The following TNXB variants were observed in gnomAD, a reference collection of about 807,000 sequenced individuals.
The protein encoded by TNXB is tenascin-X.
TNXB carries 183 observed loss-of-function variants against 340.5 expected under a neutral mutation model. The observed-to-expected ratio is 0.54, with a 90% confidence interval of 0.48 to 0.61. The LOEUF (loss-of-function observed/expected upper bound fraction) is 0.61, where lower values mean the gene tolerates loss of function less well. Ranked by LOEUF, TNXB falls within the 20% of genes least tolerant of loss-of-function variation. The pLI is 0.00. For synonymous variants in TNXB, 2,121 were observed against 2,314.5 expected (o/e 0.92, Z 2.40); for missense variants, 4,613 against 5,446.4 (o/e 0.85, Z 4.82).
At position 32,108,952 on chromosome 6, in the gene TNXB, G is replaced by C. The variant is rs1781110352; in HGVS notation, c.-9+229C>G. Among the ~76,000 whole-genome samples the C allele has an allele frequency of 2.6e-5, 4 of 151,982 alleles. No individual in the cohort carries two copies. The stretch of plus-strand genomic sequence containing the variant: ...GTTGTCTGCATCCCATCCAAACCCT[G>C]ACACATACTGCCCACCCCAACACAC... On this transcript the variant is annotated intron_variant, in intron 1 of 43. Coordinates refer to ENST00000644971, the MANE Select transcript of TNXB (RefSeq NM_001365276.2). This position sits in a 1 kb window ranked among gnomAD's most constrained non-coding sequence, Gnocchi z 4.8.
Position 32,048,479 on chromosome 6 carries a change from C to T in TNXB, c.9929G>A (p.Gly3310Glu), listed in dbSNP as rs1305164810. Residue 3310 changes from glycine to glutamate, a missense_variant, in exon 29 of 44, where the codon GGA (glycine) becomes GAA (glutamate). Around this residue, in one of 7 missense-constraint regions of TNXB, gnomAD observed 4,327 missense variants for 4,859.4 expected, o/e 0.89. Transcript: ENST00000644971. ...QGQPQAVPVS[G>E]DLRAVAVSGL... ...CGAGACGGCGACCGCTCGGAGGTCTCCGCTCACAGGCACTGCCTGGGGCTG... is the reference window on the plus strand; with the variant it reads ...CGAGACGGCGACCGCTCGGAGGTCTTCGCTCACAGGCACTGCCTGGGGCTG... 1 of 1,600,980 alleles carries T rather than the reference C, an allele frequency of 6.2e-7. No homozygotes were observed.
Position 32,049,735 on chromosome 6 carries a change from G to A in TNXB, c.9440-148C>T. ...GCTGGGTGGTCCTGCTCAGCTGACA[G>A]CTAACACACGTAACAAGTTCCAGGG... On this transcript the variant is annotated intron_variant, in intron 27 of 43. Coordinates refer to ENST00000644971, the MANE Select transcript of TNXB (RefSeq NM_001365276.2). The surrounding 1 kb of genome is among the most constrained non-coding windows in gnomAD (Gnocchi z 4.5). 8.6e-7 allele frequency: 1 copy of A among 1,156,470 alleles called. No individual in the cohort carries two copies. The highest frequency in any genetic ancestry group is 1.2e-6 in the Non-Finnish European group (1 of 835,388). The allele number at this position is 1,156,470 out of a possible 1,614,324, so 71.6% of individuals were successfully genotyped here. A position where few individuals can be genotyped will look rare whatever the true frequency, so the allele number is the denominator to read the frequency against.
Position 32,043,302 on chromosome 6 carries a change from C to G in TNXB, c.11667G>C (p.Ala3889=). The part of the protein sequence containing the change: ...VTAPGAPPLQ[A]ETPGSAVDYP... ...AGTCCACCGCGCTGCCTGGGGTCTC[C>G]GCCTGCAGAGGCGGGGCTGGGAGTG... The change falls in exon 37 of 44, where the codon GCG becomes GCC. Residue 3889 remains alanine (A), a synonymous_variant. Transcript: ENST00000644971. The G allele has an allele frequency of 2.9e-6, 1 of 347,050 alleles. No homozygotes were observed. The highest frequency in any genetic ancestry group is 4.9e-6 in the Non-Finnish European group (1 of 203,464). 21.5% of individuals were successfully genotyped at this position (347,050 alleles called of 1,614,324 possible). A position where few individuals can be genotyped will look rare whatever the true frequency, so the allele number is the denominator to read the frequency against.
rs776411158 is a variant in TNXB, at chr6:32,068,674, G to A, written c.5936C>T (p.Thr1979Ile). 1 of 1,613,788 alleles carries A rather than the reference G, an allele frequency of 6.2e-7. No homozygotes were observed. The highest frequency in any genetic ancestry group is 8.5e-7 in the Non-Finnish European group (1 of 1,179,864). The change falls in exon 17 of 44, where the codon ACC (threonine) becomes ATC (isoleucine). Residue 1979 changes from threonine (T) to isoleucine (I), a missense_variant. Around this residue, in one of 7 missense-constraint regions of TNXB, gnomAD observed 4,327 missense variants for 4,859.4 expected, o/e 0.89. Coordinates refer to ENST00000644971, the MANE Select transcript of TNXB (RefSeq NM_001365276.2). The surrounding 1 kb of genome is among the most constrained non-coding windows in gnomAD (Gnocchi z 5.3). Reference protein sequence around the residue: ...PEEEKPSEPPTATPEPPIKPR... With the variant: ...PEEEKPSEPPIATPEPPIKPR... ...CTTGATGGGGGGCTCGGGGGTTGCGGTGGGAGGTTCTGAAGGCTTCTCCTC... is the reference window on the plus strand; with the variant it reads ...CTTGATGGGGGGCTCGGGGGTTGCGATGGGAGGTTCTGAAGGCTTCTCCTC...
chr6:32,088,746 G>C, intron 6 of TNXB, 39 bp downstream of exon 6: 1 of 1,540,324 alleles, frequency 6.5e-7, no homozygotes, highest in African/African-American at 1.4e-5. Flanking sequence ...TCCAAGGCTG[G>C]GAAACCAGGG....
rs370586724 is a variant in TNXB at position 32,061,611 on chromosome 6, C to G, written c.7278G>C (p.Ser2426=). Residue 2426 remains serine, a synonymous_variant, in exon 21 of 44, where the codon TCG becomes TCC. Transcript: ENST00000644971. The surrounding 1 kb of genome is among the most constrained non-coding windows in gnomAD (Gnocchi z 4.4). ...GGGGGACGGTCCAGGAGAGGCTCAG[C>G]GAGTCAGGGGAGGATCCTGTCACTG... ...ELTVTGSSPD[S]LSLSWTVPQG... is the part of the protein sequence containing the mutation. The G allele has an allele frequency of 1.2e-6, 2 of 1,612,936 alleles. No homozygotes were observed. Among genetic ancestry groups the G allele is most frequent in the Admixed American group, 3.3e-5 (2 of 60,014 alleles).
In TNXB at chr6:32,096,595, C is replaced by A. The variant is rs780536658; in HGVS notation, c.1258G>T (p.Val420Leu). The A allele has an allele frequency of 6.3e-7, 1 of 1,582,752 alleles. No homozygotes were observed. The highest frequency in any genetic ancestry group is 8.6e-7 in the Non-Finnish European group (1 of 1,168,452). Residue 420 changes from valine to leucine, a missense_variant, in exon 3 of 44, where the codon GTG becomes TTG. By Grantham distance (32) the Val-to-Leu change is conservative. Coordinates refer to ENST00000644971, the MANE Select transcript of TNXB (RefSeq NM_001365276.2). ...QRGRCEDGRC[V>L]CWPGYTGTDC... is the part of the protein sequence containing the mutation. ...GTTCCAGTGTACCCCGGCCAGCACACGCAGCGGCCGTCCTCGCAGCGGCCC... is the reference window on the plus strand; with the variant it reads ...GTTCCAGTGTACCCCGGCCAGCACAAGCAGCGGCCGTCCTCGCAGCGGCCC...
intron 18 of TNXB, among the ~76,000 whole-genome samples, chr6:32,065,934 A>C (rs1360153561): frequency 6.6e-6 from 1 of 152,128 alleles, no homozygotes; most frequent in African/African-American, 2.4e-5. Flanking sequence ...ACAAGCGTGA[A>C]CCACCTCACC....
At position 32,046,352 on chromosome 6, in the gene TNXB, C is replaced by T. The variant is rs753650767; in HGVS notation, c.10429G>A (p.Asp3477Asn). 6.2e-7 allele frequency: 1 copy of T among 1,605,100 alleles called. No individual in the cohort carries two copies. Among genetic ancestry groups the T allele is most frequent in the South Asian group, 1.1e-5 (1 of 89,540 alleles). ...LSWTVAQGPF[D>N]SFVVQYRDTD... ...TCCCTGTACTGGACCACGAAGGAGTCAAAGGGGCCCTGGGCTACCGTCCAG... is the reference window on the plus strand; with the variant it reads ...TCCCTGTACTGGACCACGAAGGAGTTAAAGGGGCCCTGGGCTACCGTCCAG... Residue 3477 changes from aspartate to asparagine, a missense_variant, in exon 31 of 44, where the codon GAC becomes AAC. Physicochemically the swap from Asp to Asn is conservative, Grantham distance 23 (BLOSUM62 1). Around this residue, in one of 7 missense-constraint regions of TNXB, gnomAD observed 4,327 missense variants for 4,859.4 expected, o/e 0.89. Coordinates refer to ENST00000644971, the MANE Select transcript of TNXB (RefSeq NM_001365276.2). The surrounding 1 kb of genome is among the most constrained non-coding windows in gnomAD (Gnocchi z 6.9).
intron 1 of TNXB, among the ~76,000 whole-genome samples, chr6:32,099,946 T>TAGAA (rs1554335656): frequency 1.4e-4 from 9 of 62,824 alleles, no homozygotes; most frequent in African/African-American, 5.0e-4. Flanking sequence ...CATCCCTAAG[T>TAGAA]AAAAAAAAAA....
At chr6:32,059,693 G>A (rs2151905397) in intron 21 of TNXB, among the ~76,000 whole-genome samples, 1 of 151,998 alleles carries the variant, frequency 6.6e-6, no homozygotes, top group East Asian at 1.9e-4. Context: ...CCAACACTCA[G>A]ATGGTCCTCT....
In TNXB at chr6:32,106,690, G is replaced by A. The variant is rs1169665061; in HGVS notation, c.-9+2491C>T. On this transcript the variant is annotated intron_variant, in intron 1 of 43. Transcript: ENST00000644971. ...CTCCCCACCCAAGAAAGCCCAGGCC[G>A]AGAGGCCTGGCATACAGAGAGCTGC... Among the ~76,000 whole-genome samples, 8 of 152,168 alleles carry A rather than the reference G, an allele frequency of 5.3e-5. 1 individual carries two copies. Among genetic ancestry groups the A allele is most frequent in the Non-Finnish European group, 8.8e-5 (6 of 68,020 alleles).
rs536054720 is a variant in TNXB, at chr6:32,072,168, G to T, written c.4812C>A (p.Phe1604Leu). ...CCTTGTACTGAACCACAAAGGAGTC[G>T]AATTCACCCTCAGGGACTGTCCATG... ...GLSWTVPEGE[F>L]DSFVVQYKDR... Residue 1604 changes from phenylalanine to leucine, a missense_variant, in exon 13 of 44, where the codon TTC (phenylalanine) becomes TTA (leucine). This residue lies in a region of TNXB where 4,327 missense variants were observed against 4,859.4 expected (regional missense o/e 0.89). Transcript: ENST00000644971. The surrounding 1 kb of genome is among the most constrained non-coding windows in gnomAD (Gnocchi z 4.4). 1.2e-6 allele frequency: 2 copies of T among 1,613,478 alleles called. No individual in the cohort carries two copies. Among genetic ancestry groups the T allele is most frequent in the African/African-American group, 1.3e-5 (1 of 75,038 alleles).
chr6:32,055,778 T>A (rs1013714601), intron 24 of TNXB, 73 bp downstream of exon 24: 11 of 1,551,356 alleles, frequency 7.1e-6, no homozygotes, highest in Non-Finnish European at 9.6e-6. Context: ...CTGGTGAGAA[T>A]ATTTTTGTTT....
At chr6:32,078,768 C>G in intron 11 of TNXB, 1 of 483,778 alleles carries the variant, frequency 2.1e-6, no homozygotes, top group Non-Finnish European at 3.6e-6. Flanking sequence ...TGCTTTACAT[C>G]TGTTAACTCA....
At chr6:32,060,974 AG>A (rs1268799687) in intron 21 of TNXB, among the ~76,000 whole-genome samples, 7 of 151,958 alleles carry the variant, frequency 4.6e-5, no homozygotes, top group South Asian at 4.1e-4. Flanking sequence ...TTATAAAGTA[AG>A]GGTCTTATGT....
At position 32,056,066 on chromosome 6, in the gene TNXB, G is replaced by C. The variant is rs773291274; in HGVS notation, c.8252C>G (p.Ser2751Trp). The change falls in exon 24 of 44, where the codon TCG becomes TGG. Residue 2751 changes from serine (S) to tryptophan (W), a missense_variant. Ser to Trp is a radical substitution (Grantham distance 177, BLOSUM62 -3). Coordinates refer to ENST00000644971, the MANE Select transcript of TNXB (RefSeq NM_001365276.2). ...ELTVTGSSPD[S>W]LSLSWTIPQG... ...GGGGATGGTCCAGGAGAGGCTCAGC[G>C]AGTCAGGGGAGGATCCTGTCACTGT... The C allele has an allele frequency of 8.7e-6, 14 of 1,612,724 alleles. No homozygotes were observed. Among genetic ancestry groups the C allele is most frequent in the Admixed American group, 5.0e-5 (3 of 59,998 alleles).
chr6:32,056,242 A>C, intron 23 of TNXB, 68 bp from the exon 24 acceptor site: 1 of 1,539,608 alleles, frequency 6.5e-7, no homozygotes, highest in Non-Finnish European at 8.8e-7. Context: ...CAAGGGAAGG[A>C]GGGAGAAACC....
At position 32,069,075 on chromosome 6, in the gene TNXB, G is replaced by T; in HGVS notation, c.5649C>A (p.His1883Gln). 1.9e-6 allele frequency: 3 copies of T among 1,612,742 alleles called. No individual in the cohort carries two copies. In the South Asian group the frequency reaches 3.3e-5, roughly 18 times the overall value. ...TAPTPPAPEPHLGELTVEEAT... is the reference protein window; with the variant it reads ...TAPTPPAPEPQLGELTVEEAT... Reference sequence around the variant, plus strand: ...CCTCCTCCACTGTCAACTCCCCGAGGTGGGGCTCAGGCGCTGGAGGGGTCG... The same window carrying T: ...CCTCCTCCACTGTCAACTCCCCGAGTTGGGGCTCAGGCGCTGGAGGGGTCG... The change falls in exon 16 of 44, where the codon CAC (histidine) becomes CAA (glutamine). Residue 1883 changes from histidine to glutamine, a missense_variant. Coordinates refer to ENST00000644971, the MANE Select transcript of TNXB (RefSeq NM_001365276.2). This position sits in a 1 kb window ranked among gnomAD's most constrained non-coding sequence, Gnocchi z 6.2.
Sources: gnomAD v4.1 joint callset for allele counts (sites outside exome capture counted in the v4.1 genomes callset) on GRCh38, gnomAD v4.1.1 for gene constraint, gnomAD v4.1.1 regional missense constraint, Gnocchi (gnomAD v3.1) non-coding constraint, MANE v1.5 for transcripts, NCBI Gene and HGNC (gene_info 2026-07-23, HGNC 2026-07-21) for gene names.